Variants in AFF2 observed in about 807,000 individuals in gnomAD.
AFF2 encodes AF4/FMR2 family member 2.
A neutral mutation model predicts 76.9 loss-of-function variants in AFF2; 14 were observed. The observed-to-expected ratio is 0.18, with a 90% confidence interval of 0.12 to 0.28. AFF2 has a LOEUF of 0.28. AFF2 is among the 10% of genes least tolerant of loss of function. AFF2 has a pLI of 1.00. For missense variants in AFF2, 868 were observed against 1,001.1 expected, an observed-to-expected ratio of 0.87 and a Z score of 1.79; for synonymous variants, 398 against 366.7, an observed-to-expected ratio of 1.09 and a Z score of -0.98.
At chrX:148,569,435 A>C (rs2053203256) in intron 1 of AFF2, among the ~76,000 whole-genome samples, 1 of 111,405 alleles carries the variant, frequency 9.0e-6, no homozygotes, top group Non-Finnish European at 1.9e-5. Context: ...AAGTAACCAA[A>C]CATCTCTAAA....
At chrX:148,872,022 T>C (rs1034190653) in intron 7 of AFF2, among the ~76,000 whole-genome samples, 15 of 111,366 alleles carry the variant, frequency 1.3e-4, no homozygotes, top group African/African-American at 4.6e-4. Flanking sequence ...AGCAGAGTGG[T>C]TAGGGACATG....
intron 1 of AFF2, among the ~76,000 whole-genome samples, chrX:148,554,102 G>C (rs140271493): frequency 0.029 from 3,209 of 111,821 alleles, 109 homozygotes; most frequent in African/African-American, 0.096. Context: ...CATCTCTCTC[G>C]GCTTCTTTGC....
chrX:148,687,565 G>C (rs1383475356), intron 3 of AFF2, among the ~76,000 whole-genome samples: 1 of 110,549 alleles, frequency 9.0e-6, no homozygotes, highest in Admixed American at 9.7e-5. Flanking sequence ...AGATGATATT[G>C]GTACTTAAGT....
At chrX:148,836,970 G>A (rs1557273867) in intron 4 of AFF2, among the ~76,000 whole-genome samples, 1 of 111,811 alleles carries the variant, frequency 8.9e-6, no homozygotes, top group Non-Finnish European at 1.9e-5. Flanking sequence ...TCCCCTCAGC[G>A]GCTTCATCTT....
intron 9 of AFF2, among the ~76,000 whole-genome samples, chrX:148,928,810 A>G (rs1268999555): frequency 1.8e-5 from 2 of 112,397 alleles, no homozygotes; most frequent in Non-Finnish European, 3.8e-5. Context: ...GGGCACAACA[A>G]TTTCTATATG....
chrX:148,652,459 C>T (rs1451954238), intron 2 of AFF2, among the ~76,000 whole-genome samples: 1 of 111,599 alleles, frequency 9.0e-6, no homozygotes, highest in East Asian at 2.8e-4. Context: ...GTAGGCAGCT[C>T]CTGAAGACTT....
chrX:148,531,262 A>G (rs1179457406), intron 1 of AFF2, among the ~76,000 whole-genome samples: 4 of 111,852 alleles, frequency 3.6e-5, no homozygotes, highest in Non-Finnish European at 5.6e-5. Flanking sequence ...AAAGAAGGCA[A>G]TGAAATTTAG....
chrX:148,986,436 G>A lies in AFF2; in HGVS notation c.3624-931G>A, dbSNP rs148881487. Among the ~76,000 whole-genome samples, 86 of 112,301 alleles carry A rather than the reference G, an allele frequency of 7.7e-4. 2 individuals are homozygous for A. The East Asian group carries it at 0.023, about 30-fold the overall frequency. On this transcript the variant is annotated intron_variant, in intron 19 of 20. Coordinates refer to ENST00000370460, the MANE Select transcript of AFF2 (RefSeq NM_002025.4). ...AAAAACGACCCCCATGCTGTATACA[G>A]CCAGCAGGTGACTCCTTGTTGCGAA...
intron 9 of AFF2, among the ~76,000 whole-genome samples, chrX:148,905,699 A>C (rs1241350549): frequency 8.9e-6 from 1 of 112,700 alleles, no homozygotes; most frequent in Non-Finnish European, 1.9e-5. Context: ...AATGTCTCCA[A>C]GCTCCAGCCC....
chrX:148,748,334 G>A (rs187456171), intron 3 of AFF2, among the ~76,000 whole-genome samples: 133 of 111,850 alleles, frequency 1.2e-3, no homozygotes, highest in Admixed American at 5.6e-3. Flanking sequence ...TTGGAGTATT[G>A]TTGGGGAAAA....
intron 3 of AFF2, among the ~76,000 whole-genome samples, chrX:148,675,944 T>C (rs2054477758): frequency 9.1e-6 from 1 of 110,015 alleles, no homozygotes; most frequent in Non-Finnish European, 1.9e-5. Flanking sequence ...CTAGAAGGAG[T>C]GGTCTTATTC....
At chrX:148,771,638 T>G (rs2069588933) in intron 3 of AFF2, among the ~76,000 whole-genome samples, 1 of 112,309 alleles carries the variant, frequency 8.9e-6, no homozygotes, top group Admixed American at 9.4e-5. Context: ...ATATGTTTTC[T>G]CCTCTCACAC....
chrX:148,922,476 G>A (rs1019069629), intron 9 of AFF2, among the ~76,000 whole-genome samples: 2 of 111,978 alleles, frequency 1.8e-5, no homozygotes, highest in Admixed American at 1.9e-4. Context: ...GCTCTTGAGA[G>A]GTGCTAATTT....
intron 3 of AFF2, among the ~76,000 whole-genome samples, chrX:148,712,738 C>T (rs1018763547): frequency 4.5e-5 from 5 of 112,001 alleles, no homozygotes; most frequent in Admixed American, 9.5e-5. Flanking sequence ...CATTCATTCA[C>T]GCATTCAGCG....
At chrX:148,822,207 G>A (rs2070336654) in intron 4 of AFF2, 1 of 111,801 alleles carries the variant, frequency 8.9e-6, no homozygotes, top group Non-Finnish European at 1.9e-5. Flanking sequence ...GTTTAGATGT[G>A]TCTGGATTCT....
chrX:148,787,731 A>G (rs1263544222), intron 3 of AFF2, among the ~76,000 whole-genome samples: 2 of 112,252 alleles, frequency 1.8e-5, no homozygotes, highest in Non-Finnish European at 3.8e-5. Context: ...AATCAGTAAC[A>G]CCAAACAGCC....
intron 3 of AFF2, among the ~76,000 whole-genome samples, chrX:148,746,610 A>C (rs782649160): frequency 1.8e-5 from 2 of 112,933 alleles, no homozygotes; most frequent in East Asian, 5.6e-4. Flanking sequence ...ACAAGTCAGC[A>C]TAGTAAGAAG....
chrX:148,916,196 C>CTTTTTTTTT (rs782508166), intron 9 of AFF2, among the ~76,000 whole-genome samples: 33 of 34,038 alleles, frequency 9.7e-4, no homozygotes, highest in African/African-American at 4.0e-3. Context: ...GTGGTTTTAA[C>CTTTTTTTTT]TTTTTTTTTT....
intron 1 of AFF2, among the ~76,000 whole-genome samples, chrX:148,573,613 T>A: frequency 9.0e-6 from 1 of 110,680 alleles, no homozygotes. Context: ...AAAAAACATG[T>A]GGAGGAAGGT....
Sources: allele counts gnomAD v4.1 joint callset (sites outside exome capture counted in the v4.1 genomes callset), GRCh38; gene constraint gnomAD v4.1.1; transcripts MANE v1.5; gene names NCBI Gene and HGNC (gene_info 2026-07-23, HGNC 2026-07-21).